The following CCDC171 variants were observed in gnomAD, a reference collection of about 807,000 sequenced individuals.
CCDC171 encodes coiled-coil domain-containing protein 171.
CCDC171 carries 177 observed loss-of-function variants against 168.2 expected under a neutral mutation model. The ratio of observed to expected loss-of-function variants is 1.05; its 90% CI spans 0.93 to 1.19. The LOEUF (loss-of-function observed/expected upper bound fraction) is 1.19, where lower values mean the gene tolerates loss of function less well. Ranked by LOEUF, CCDC171 falls within the 50% of genes most tolerant of loss-of-function variation. The pLI is 0.00. For missense variants in CCDC171, 1,991 were observed against 1,539.0 expected, an observed-to-expected ratio of 1.29 and a Z score of -4.91; for synonymous variants, 687 against 540.8, an observed-to-expected ratio of 1.27 and a Z score of -3.75.
intron 6 of CCDC171, among the ~76,000 whole-genome samples, chr9:16,024,414 T>C (rs1261469883): frequency 1.3e-5 from 2 of 152,166 alleles, no homozygotes; most frequent in African/African-American, 4.8e-5. Context: ...ATCTCCTCCT[T>C]TCTATCCACT....
intron 3 of CCDC171, among the ~76,000 whole-genome samples, chr9:15,988,562 T>G (rs1343785777): frequency 6.6e-6 from 1 of 152,134 alleles, no homozygotes; most frequent in Non-Finnish European, 1.5e-5. Flanking sequence ...CACTGGGGCT[T>G]GTCAGACAGT....
At chr9:15,566,234 T>G (rs2039716923) in intron 2 of CCDC171, among the ~76,000 whole-genome samples, 1 of 151,970 alleles carries the variant, frequency 6.6e-6, no homozygotes, top group South Asian at 2.1e-4. Flanking sequence ...GGAGTGTTTG[T>G]ATATTTGGAA....
chr9:16,066,464 T>TC (rs1023003942), downstream of CCDC171, among the ~76,000 whole-genome samples: 11 of 151,766 alleles, frequency 7.2e-5, no homozygotes, highest in African/African-American at 2.7e-4. Context: ...TCTTTTCTTT[T>TC]TTTTTTTTTA....
At chr9:15,745,058 G>C (rs1168215589) in intron 17 of CCDC171, among the ~76,000 whole-genome samples, 2 of 152,144 alleles carry the variant, frequency 1.3e-5, no homozygotes, top group African/African-American at 2.4e-5. Flanking sequence ...GTAAAGTGGA[G>C]AGTTTATACA....
chr9:16,099,844 A>G, the CCDC171 span, among the ~76,000 whole-genome samples: 10 of 152,222 alleles, frequency 6.6e-5, no homozygotes, highest in Non-Finnish European at 1.5e-4. Context: ...GACACAAGTT[A>G]GTGCATGTTG....
chr9:15,855,381 T>C (rs1353485958), intron 23 of CCDC171, among the ~76,000 whole-genome samples: 1 of 151,908 alleles, frequency 6.6e-6, no homozygotes, highest in African/African-American at 2.4e-5. Context: ...TCTTGGTTAC[T>C]GTTTGCGTGG....
intron 7 of CCDC171, among the ~76,000 whole-genome samples, chr9:15,640,231 G>A (rs1483521348): frequency 2.0e-5 from 3 of 152,046 alleles, no homozygotes; most frequent in Admixed American, 6.6e-5. Flanking sequence ...AAGTGGATAG[G>A]ACTTCCTGAC....
At chr9:15,810,693 C>T (rs1397621482) in intron 21 of CCDC171, among the ~76,000 whole-genome samples, 2 of 152,212 alleles carry the variant, frequency 1.3e-5, no homozygotes, top group Non-Finnish European at 2.9e-5. Flanking sequence ...GCTGGCTGCT[C>T]CGAGTGCGGG....
At chr9:16,064,834 T>A (rs1833974537), downstream of CCDC171, among the ~76,000 whole-genome samples, 1 of 152,242 alleles carries the variant, frequency 6.6e-6, no homozygotes, top group Admixed American at 6.5e-5. Context: ...CGGCTGGGTC[T>A]AAGGTATTTG....
At chr9:15,834,315 T>C (rs1353507058) in intron 21 of CCDC171, among the ~76,000 whole-genome samples, 1 of 152,202 alleles carries the variant, frequency 6.6e-6, no homozygotes, top group Non-Finnish European at 1.5e-5. Flanking sequence ...TATGTTCATA[T>C]TTCTAGCATG....
intron 1 of CCDC171, among the ~76,000 whole-genome samples, chr9:16,046,354 T>G (rs1365696456): frequency 3.3e-5 from 5 of 152,122 alleles, no homozygotes; most frequent in African/African-American, 9.7e-5. Context: ...AACCAGAGAC[T>G]TGGGTCTGCA....
At chr9:15,822,684 AGC>A (rs2059837658) in intron 21 of CCDC171, among the ~76,000 whole-genome samples, 1 of 152,208 alleles carries the variant, frequency 6.6e-6, no homozygotes, top group Non-Finnish European at 1.5e-5. Context: ...GTCAGGAAAC[AGC>A]AGGTGCTGGA....
chr9:15,609,376 T>G (rs2043485445), intron 6 of CCDC171, among the ~76,000 whole-genome samples: 1 of 152,238 alleles, frequency 6.6e-6, no homozygotes, highest in Non-Finnish European at 1.5e-5. Flanking sequence ...CCCAAAGTGC[T>G]GGGATTACAG....
At chr9:15,965,591 A>G (rs1350394974) in intron 25 of CCDC171, among the ~76,000 whole-genome samples, 1 of 152,256 alleles carries the variant, frequency 6.6e-6, no homozygotes, top group African/African-American at 2.4e-5. Context: ...TAACGCCTGT[A>G]AAACTAAATC....
At chr9:16,085,372 G>A in the CCDC171 span, among the ~76,000 whole-genome samples, 1 of 152,222 alleles carries the variant, frequency 6.6e-6, no homozygotes, top group African/African-American at 2.4e-5. Context: ...GACCTCAGCT[G>A]CATGTAGCAC....
At chr9:15,569,850 A>ACAAAAC (rs1563957730) in intron 2 of CCDC171, among the ~76,000 whole-genome samples, 1 of 145,866 alleles carries the variant, frequency 6.9e-6, no homozygotes, top group African/African-American at 2.5e-5. Flanking sequence ...AACAAACAAA[A>ACAAAAC]AAAAAATTTC....
In CCDC171 at chr9:15,645,410, G is replaced by C. The variant is rs371383475; in HGVS notation, c.823-11717G>C. On this transcript the variant is annotated intron_variant, in intron 7 of 25. Transcript: ENST00000380701. The stretch of plus-strand genomic sequence containing the variant: ...AGAGAATGACTTTGAGGAGTTGAGA[G>C]AAGAAGGCTTTAGATGATCGGTAAT... Among the ~76,000 whole-genome samples the C allele has an allele frequency of 3.3e-5, 5 of 152,342 alleles. No individual in the cohort carries two copies. In the East Asian group the frequency reaches 7.7e-4, roughly 23 times the overall value.
At chr9:15,814,734 CAG>C (rs760984352) in intron 21 of CCDC171, among the ~76,000 whole-genome samples, 21 of 151,988 alleles carry the variant, frequency 1.4e-4, no homozygotes, top group South Asian at 4.2e-4. Flanking sequence ...TCTAATGAAG[CAG>C]AGTCTTTTTT....
At chr9:15,975,285 T>G (rs1831586314), downstream of CCDC171, among the ~76,000 whole-genome samples, 2 of 152,276 alleles carry the variant, frequency 1.3e-5, no homozygotes, top group South Asian at 4.1e-4. Context: ...TAGGAATTAG[T>G]AAGCCTAGAG....
Sources: allele counts gnomAD v4.1 joint callset (sites outside exome capture counted in the v4.1 genomes callset), GRCh38; gene constraint gnomAD v4.1.1; transcripts MANE v1.5; gene names NCBI Gene and HGNC (gene_info 2026-07-23, HGNC 2026-07-21).